Variants in CAST observed in about 807,000 individuals in gnomAD.
CAST encodes the protein MIR583 host.
A neutral mutation model predicts 119.6 loss-of-function variants in CAST; 76 were observed. The ratio of observed to expected loss-of-function variants is 0.64; its 90% CI spans 0.53 to 0.77. CAST has a LOEUF of 0.77. Ranked by LOEUF, CAST falls within the 30% of genes least tolerant of loss-of-function variation. CAST has a pLI of 0.00. For missense variants in CAST, 953 were observed against 946.5 expected (o/e 1.01, Z -0.09); for synonymous variants, 319 against 331.6 (o/e 0.96, Z 0.41).
the CAST span, chr5:95,961,663 C>A: frequency 2.5e-6 from 4 of 1,609,790 alleles, no homozygotes; most frequent in East Asian, 6.8e-5. Context: ...CCCCAGCCGT[C>A]CGCACGACAG....
chr5:96,025,816 C>T, the CAST span, among the ~76,000 whole-genome samples: 1 of 152,206 alleles, frequency 6.6e-6, no homozygotes. Context: ...CATAGTGTCC[C>T]AGGCAGTGGG....
chr5:96,134,907 T>C, the CAST span, among the ~76,000 whole-genome samples: 3 of 151,950 alleles, frequency 2.0e-5, no homozygotes, highest in Non-Finnish European at 2.9e-5. Flanking sequence ...CAACTTTGAA[T>C]AAAATATAAA....
the CAST span, among the ~76,000 whole-genome samples, chr5:96,508,681 C>T: frequency 6.6e-6 from 1 of 152,098 alleles, no homozygotes; most frequent in African/African-American, 2.4e-5. Context: ...GGCGCTACAT[C>T]GGGGAGGAGG....
At chr5:96,662,274 G>T (rs762544496), upstream of CAST, 86 of 979,436 alleles carry the variant, frequency 8.8e-5, no homozygotes, top group Non-Finnish European at 1.1e-4. Context: ...CGCAGACCTG[G>T]GGTGGGGTCG....
the CAST span, among the ~76,000 whole-genome samples, chr5:96,129,540 T>C: frequency 3.3e-5 from 5 of 152,278 alleles, no homozygotes; most frequent in Admixed American, 3.3e-4. Context: ...GGAACTGTCA[T>C]GAATCACTGC....
the CAST span, among the ~76,000 whole-genome samples, chr5:96,384,101 T>C: frequency 6.6e-6 from 1 of 152,276 alleles, no homozygotes; most frequent in Admixed American, 6.5e-5. Flanking sequence ...ACAGGCACAA[T>C]GAGGTATGTA....
the CAST span, among the ~76,000 whole-genome samples, chr5:96,191,958 G>A: frequency 1.3e-5 from 2 of 152,126 alleles, no homozygotes; most frequent in Admixed American, 6.5e-5. Flanking sequence ...GCTGAATTAC[G>A]AAATTCTGAC....
the CAST span, among the ~76,000 whole-genome samples, chr5:96,475,655 G>A: frequency 4.6e-5 from 7 of 152,162 alleles, no homozygotes; most frequent in Non-Finnish European, 2.9e-5. Flanking sequence ...TTATTTTGGC[G>A]AAATCACTCA....
intron 2 of CAST, among the ~76,000 whole-genome samples, chr5:96,690,559 G>C (rs1483897360): frequency 6.6e-6 from 1 of 152,154 alleles, no homozygotes; most frequent in Non-Finnish European, 1.5e-5. Flanking sequence ...GTAATATTAT[G>C]AGTTAATGGT....
chr5:96,236,737 A>C, the CAST span, among the ~76,000 whole-genome samples: 1 of 152,288 alleles, frequency 6.6e-6, no homozygotes, highest in African/African-American at 2.4e-5. Context: ...ATTTATCTAA[A>C]ATTCAAATCG....
chr5:96,059,481 C>A, the CAST span, among the ~76,000 whole-genome samples: 14 of 152,096 alleles, frequency 9.2e-5, no homozygotes, highest in Non-Finnish European at 1.9e-4. Context: ...GGATCTAAGG[C>A]TATTTACTCA....
intron 1 of CAST, among the ~76,000 whole-genome samples, chr5:96,601,879 C>T (rs1747161117): frequency 6.6e-6 from 1 of 152,188 alleles, no homozygotes; most frequent in African/African-American, 2.4e-5. Flanking sequence ...CTAATTGCTC[C>T]TGGTGTATCC....
chr5:96,333,538 C>A, the CAST span, among the ~76,000 whole-genome samples: 1 of 152,132 alleles, frequency 6.6e-6, no homozygotes, highest in African/African-American at 2.4e-5. Flanking sequence ...AGCATCCTCC[C>A]TGTTCTGATC....
the CAST span, among the ~76,000 whole-genome samples, chr5:96,189,195 G>T: frequency 2.0e-5 from 3 of 151,900 alleles, no homozygotes; most frequent in Non-Finnish European, 2.9e-5. Flanking sequence ...CCTATATCCC[G>T]CATCTTCATC....
At chr5:96,040,081 C>A in the CAST span, among the ~76,000 whole-genome samples, 1 of 152,130 alleles carries the variant, frequency 6.6e-6, no homozygotes, top group Non-Finnish European at 1.5e-5. Context: ...TTGAAGAGAT[C>A]CTTCACATCC....
chr5:96,705,271 T>C (rs749713949), intron 3 of CAST, among the ~76,000 whole-genome samples: 2 of 152,088 alleles, frequency 1.3e-5, no homozygotes, highest in Non-Finnish European at 2.9e-5. Flanking sequence ...TGAGCTGTGA[T>C]TGTGCTGCTG....
At chr5:96,109,767 C>T in the CAST span, among the ~76,000 whole-genome samples, 46 of 152,076 alleles carry the variant, frequency 3.0e-4, no homozygotes, top group African/African-American at 9.6e-4. Flanking sequence ...GATGCAGAAG[C>T]GGTAGAGTAG....
chr5:96,200,355 T>C, the CAST span, among the ~76,000 whole-genome samples: 1 of 152,156 alleles, frequency 6.6e-6, no homozygotes, highest in African/African-American at 2.4e-5. Context: ...TGATGATTGC[T>C]CAGAATCCAG....
At chr5:96,414,416 G>A in the CAST span, among the ~76,000 whole-genome samples, 8 of 152,170 alleles carry the variant, frequency 5.3e-5, no homozygotes, top group African/African-American at 1.9e-4. Context: ...ACTTGCTCAA[G>A]GCCACATAGC....
Sources: allele counts gnomAD v4.1 joint callset (sites outside exome capture counted in the v4.1 genomes callset), GRCh38; gene constraint gnomAD v4.1.1; transcripts MANE v1.5; gene names NCBI Gene and HGNC (gene_info 2026-07-23, HGNC 2026-07-21).